DSC3: variants seen among roughly 807,000 people sequenced by gnomAD.
DSC3 encodes the protein desmocollin 3, also known as desmocollin-3.
In DSC3, 97 loss-of-function variants were observed where a neutral mutation model predicts 89.5. The ratio of observed to expected loss-of-function variants is 1.08; its 90% CI spans 0.92 to 1.28. DSC3 has a LOEUF of 1.28. Among genes scored for constraint, DSC3 ranks in the 50% most tolerant of loss-of-function variants. The probability of loss-of-function intolerance (pLI) is 0.00; values close to 1 mark genes in which losing one functional copy is unlikely to be tolerated. For synonymous variants in DSC3, 436 were observed against 384.1 expected, an observed-to-expected ratio of 1.14 and a Z score of -1.58; for missense variants, 1,199 against 1,085.3, an observed-to-expected ratio of 1.10 and a Z score of -1.47.
intron 12 of DSC3, among the ~76,000 whole-genome samples, chr18:31,004,722 C>T (rs1281309484): frequency 8.7e-6 from 1 of 115,052 alleles, no homozygotes; most frequent in Non-Finnish European, 1.6e-5. Context: ...CAAATAGTTT[C>T]TGAAGTTTAC....
chr18:31,019,072 C>T (rs189629831), intron 7 of DSC3, among the ~76,000 whole-genome samples: 73 of 152,272 alleles, frequency 4.8e-4, no homozygotes, highest in Admixed American at 2.4e-3. Context: ...GTCATAGGGG[C>T]AGCACAAAAT....
chr18:31,030,681 G>A (rs1291536362), intron 3 of DSC3, among the ~76,000 whole-genome samples: 2 of 151,644 alleles, frequency 1.3e-5, no homozygotes, highest in African/African-American at 4.8e-5. Flanking sequence ...AGAGTGAGAG[G>A]TAGAGAGAAG....
At chr18:31,005,519 G>A (rs1984808776) in intron 12 of DSC3, among the ~76,000 whole-genome samples, 2 of 152,136 alleles carry the variant, frequency 1.3e-5, no homozygotes, top group African/African-American at 4.8e-5. Context: ...TTCACCACCA[G>A]ATGCTACCCT....
chr18:31,025,610 A>G, intron 5 of DSC3, 150 bp downstream of exon 5: 1 of 821,000 alleles, frequency 1.2e-6, no homozygotes, highest in South Asian at 1.7e-5. Flanking sequence ...CTGACCAAGT[A>G]TTCCAAAATG....
intron 1 of DSC3, among the ~76,000 whole-genome samples, chr18:31,041,231 CA>C (rs1180900905): frequency 6.6e-6 from 1 of 152,158 alleles, no homozygotes; most frequent in Non-Finnish European, 1.5e-5. Context: ...AAAGGAAACA[CA>C]AAACCCCAAA....
chr18:31,031,259 C>T, intron 2 of DSC3, 87 bp from the exon 3 acceptor site: 1 of 949,554 alleles, frequency 1.1e-6, no homozygotes, highest in Non-Finnish European at 1.6e-6. Flanking sequence ...TTCTTAAAAA[C>T]CATGAAGTGG....
rs1040000066 is a variant in DSC3, at chr18:30,993,985, T to C, written c.*190A>G. On this transcript the variant is annotated 3_prime_UTR_variant, in exon 16 of 16. Transcript: ENST00000360428. ...TGGAGTTTGAGATTTACCAGTTGTCTGTTTTAACATTTTTCACTTTTTGGA... is the reference window on the plus strand; with the variant it reads ...TGGAGTTTGAGATTTACCAGTTGTCCGTTTTAACATTTTTCACTTTTTGGA... 28 of 561,438 alleles carry C rather than the reference T, an allele frequency of 5.0e-5. No homozygotes were observed. The highest frequency in any genetic ancestry group is 4.9e-4 in the African/African-American group (26 of 52,936). 34.8% of individuals were successfully genotyped at this position (561,438 alleles called of 1,614,324 possible).
In DSC3 at chr18:30,992,716, T is replaced by G. The variant is rs1028678263; in HGVS notation, c.*1459A>C. Reference sequence around the variant, plus strand: ...TAAAATGACAACTTGATCTTTTTCTTTTATACATTCAAAATTTCTATTTCT... The same window carrying G: ...TAAAATGACAACTTGATCTTTTTCTGTTATACATTCAAAATTTCTATTTCT... On this transcript the variant is annotated 3_prime_UTR_variant, in exon 16 of 16. Coordinates refer to ENST00000360428, the MANE Select transcript of DSC3 (RefSeq NM_001941.5). The G allele has an allele frequency of 6.6e-6, 1 of 152,224 alleles. No individual in the cohort carries two copies. Among genetic ancestry groups the G allele is most frequent in the Non-Finnish European group, 1.5e-5 (1 of 68,042 alleles). The allele number at this position is 152,224 out of a possible 1,614,324, so 9.4% of individuals were successfully genotyped here.
At chr18:31,007,981 CT>C in intron 11 of DSC3, 34 bp downstream of exon 11, 2 of 1,542,100 alleles carry the variant, frequency 1.3e-6, no homozygotes, top group Non-Finnish European at 9.0e-7. Flanking sequence ...TCTCTAATTC[CT>C]TTATAGAATA....
chr18:31,024,854 T>A (rs921262315), intron 5 of DSC3, among the ~76,000 whole-genome samples: 2 of 152,132 alleles, frequency 1.3e-5, no homozygotes, highest in Admixed American at 1.3e-4. Context: ...TCCTACTACA[T>A]TATCTAAATA....
chr18:31,039,591 G>T (rs1986070855), intron 1 of DSC3, among the ~76,000 whole-genome samples: 1 of 152,112 alleles, frequency 6.6e-6, no homozygotes. Flanking sequence ...GTACTTAAAT[G>T]AGTCTAATAA....
intron 9 of DSC3, among the ~76,000 whole-genome samples, chr18:31,015,360 T>G (rs1360318692): frequency 6.6e-6 from 1 of 152,206 alleles, no homozygotes; most frequent in Non-Finnish European, 1.5e-5. Flanking sequence ...TTCTATGATA[T>G]AGGTTATAAC....
intron 7 of DSC3, 130 bp downstream of exon 7, chr18:31,022,206 T>C (rs1002765148): frequency 4.5e-5 from 51 of 1,124,416 alleles, no homozygotes; most frequent in Non-Finnish European, 6.2e-5. Flanking sequence ...GAAAAAATTG[T>C]TAGGAATTCT....
intron 9 of DSC3, 51 bp from the exon 10 acceptor site, chr18:31,008,576 A>T: frequency 6.2e-7 from 1 of 1,604,804 alleles, no homozygotes; most frequent in Non-Finnish European, 8.5e-7. Flanking sequence ...TACATCTGGC[A>T]TTTCAAATGG....
rs1984375208 is a variant in DSC3, at chr18:30,994,230, A to T, written c.2636T>A (p.Leu879Ter). 1 of 1,614,110 alleles carries T rather than the reference A, an allele frequency of 6.2e-7. No homozygotes were observed. The highest frequency in any genetic ancestry group is 8.5e-7 in the Non-Finnish European group (1 of 1,179,986). The change falls in exon 16 of 16, where the codon TTA (leucine) becomes TAA (stop). Residue 879 changes from leucine (L) to a stop codon, truncating the protein, a stop_gained. Transcript: ENST00000360428. LOFTEE classifies it high-confidence loss of function. ...AATAAATTTGGGTTCCAAATTATTT[A>T]AAAAGTCAAGGCCATCTTCTTCCTG... Reference protein sequence around the residue: ...EKQEEDGLDFLNNLEPKFITL... With the variant: ...EKQEEDGLDF
At chr18:31,018,904 G>A in intron 7 of DSC3, 104 bp from the exon 8 acceptor site, 1 of 1,104,254 alleles carries the variant, frequency 9.1e-7, no homozygotes, top group Non-Finnish European at 1.4e-6. Flanking sequence ...ACACATCTGT[G>A]TGTTTCCGTG....
intron 5 of DSC3, among the ~76,000 whole-genome samples, chr18:31,025,071 T>C (rs1419075496): frequency 6.6e-6 from 1 of 152,180 alleles, no homozygotes; most frequent in Non-Finnish European, 1.5e-5. Flanking sequence ...GCAAAGCATG[T>C]CACATGGGGT....
At chr18:31,005,032 C>A (rs1984792550) in intron 12 of DSC3, among the ~76,000 whole-genome samples, 1 of 152,132 alleles carries the variant, frequency 6.6e-6, no homozygotes, top group Non-Finnish European at 1.5e-5. Context: ...GCAGTTACAG[C>A]CTCCCTGAGC....
At chr18:31,015,105 C>T (rs925790396) in intron 9 of DSC3, among the ~76,000 whole-genome samples, 1 of 152,032 alleles carries the variant, frequency 6.6e-6, no homozygotes, top group Non-Finnish European at 1.5e-5. Context: ...GTATTTCCTT[C>T]ATGTAGAAAC....
Sources: allele counts gnomAD v4.1 joint callset (sites outside exome capture counted in the v4.1 genomes callset), GRCh38; gene constraint gnomAD v4.1.1; transcripts MANE v1.5; gene names NCBI Gene and HGNC (gene_info 2026-07-23, HGNC 2026-07-21).